NUP62CL: variants seen among roughly 807,000 people sequenced by gnomAD.
NUP62CL encodes the protein nucleoporin-62 C-terminal-like protein.
Under a neutral mutation model 15.3 loss-of-function variants are expected in NUP62CL, and 13 were observed. That is an observed-to-expected ratio of 0.85 (90% confidence interval 0.55 to 1.35). The LOEUF (loss-of-function observed/expected upper bound fraction) is 1.35. NUP62CL is among the 40% of genes most tolerant of loss of function. The pLI, the probability that NUP62CL is intolerant of heterozygous loss-of-function variation, is 0.00. For missense variants in NUP62CL, 123 were observed against 130.6 expected (o/e 0.94, Z 0.28); for synonymous variants, 54 against 49.2 (o/e 1.10, Z -0.41).
At chrX:107,185,982 G>A in intron 2 of NUP62CL, among the ~76,000 whole-genome samples, 1 of 111,604 alleles carries the variant, frequency 9.0e-6, no homozygotes, top group Non-Finnish European at 1.9e-5. Flanking sequence ...ATAGACAGAG[G>A]AGGATATTTA....
intron 7 of NUP62CL, chrX:107,150,907 G>A (rs756356259): frequency 6.2e-5 from 21 of 341,272 alleles, no homozygotes; most frequent in East Asian, 9.7e-5. Flanking sequence ...GATTAACAAC[G>A]TCCTTGAGAT....
chrX:107,177,477 C>G (rs1926813415), intron 2 of NUP62CL, among the ~76,000 whole-genome samples: 1 of 111,271 alleles, frequency 9.0e-6, no homozygotes, highest in Non-Finnish European at 1.9e-5. Context: ...TGAGATTATC[C>G]TGAATTATCC....
At chrX:107,192,663 G>A (rs997740732) in intron 2 of NUP62CL, among the ~76,000 whole-genome samples, 1 of 112,131 alleles carries the variant, frequency 8.9e-6, no homozygotes, top group Non-Finnish European at 1.9e-5. Context: ...TTACAAGCGC[G>A]AACCACTGCG....
intron 2 of NUP62CL, among the ~76,000 whole-genome samples, chrX:107,189,878 AAAGAAAGAAAG>A (rs1483067619): frequency 9.9e-5 from 2 of 20,169 alleles, no homozygotes; most frequent in African/African-American, 3.7e-4. Context: ...AAAAGAAAGA[AAAGAAAGAAAG>A]AAAGAAAGAA....
chrX:107,205,662 G>C (rs950643556), intron 1 of NUP62CL, among the ~76,000 whole-genome samples: 10 of 111,293 alleles, frequency 9.0e-5, no homozygotes, highest in Admixed American at 8.6e-4. Flanking sequence ...AATCAGTCCT[G>C]AATACTCCAA....
At chrX:107,156,095 G>A (rs1037253907) in intron 4 of NUP62CL, among the ~76,000 whole-genome samples, 13 of 110,945 alleles carry the variant, frequency 1.2e-4, no homozygotes, top group Non-Finnish European at 2.3e-4. Context: ...GGCGCACGAC[G>A]AGACTATATC....
intron 3 of NUP62CL, among the ~76,000 whole-genome samples, chrX:107,170,267 A>G (rs1261776478): frequency 8.9e-6 from 1 of 111,762 alleles, no homozygotes; most frequent in Admixed American, 9.5e-5. Flanking sequence ...TAATGTATGT[A>G]TATGCTTAGA....
At chrX:107,189,243 T>C (rs929971711) in intron 2 of NUP62CL, among the ~76,000 whole-genome samples, 7 of 111,310 alleles carry the variant, frequency 6.3e-5, no homozygotes. Flanking sequence ...ATGGAAAAGT[T>C]TGGCAGTTTC....
intron 8 of NUP62CL, among the ~76,000 whole-genome samples, chrX:107,142,850 C>T (rs765790554): frequency 8.9e-6 from 1 of 112,021 alleles, no homozygotes; most frequent in African/African-American, 3.2e-5. Context: ...GCATTGCCAT[C>T]AAGTCAACCT....
chrX:107,149,926 GA>G (rs59292016), intron 7 of NUP62CL, among the ~76,000 whole-genome samples: 5,224 of 104,532 alleles, frequency 0.05, 333 homozygotes, highest in African/African-American at 0.17. Context: ...TATAGAGAAA[GA>G]AAAAAAAAAC....
intron 3 of NUP62CL, among the ~76,000 whole-genome samples, chrX:107,172,324 A>T (rs183095028): frequency 9.0e-6 from 1 of 110,837 alleles, no homozygotes; most frequent in East Asian, 2.8e-4. Flanking sequence ...GTAAGACTGT[A>T]TCTTAAAAAA....
intron 2 of NUP62CL, among the ~76,000 whole-genome samples, chrX:107,187,568 T>C (rs1334391717): frequency 9.0e-6 from 1 of 111,591 alleles, no homozygotes. Flanking sequence ...CGGCTGACTG[T>C]TGTGTTTTTA....
chrX:107,148,899 C>T (rs184276651), intron 7 of NUP62CL, among the ~76,000 whole-genome samples: 8 of 111,341 alleles, frequency 7.2e-5, no homozygotes, highest in East Asian at 2.8e-4. Context: ...TTTGTTAATC[C>T]GGTTAAAATA....
intron 1 of NUP62CL, chrX:107,202,444 G>A (rs969488039): frequency 9.1e-6 from 1 of 110,223 alleles, no homozygotes; most frequent in South Asian, 3.8e-4. Context: ...TATAATCTTC[G>A]AAAAAAATAT....
At chrX:107,131,819 C>T in intron 8 of NUP62CL, 1 of 1,124,054 alleles carries the variant, frequency 8.9e-7, no homozygotes, top group Non-Finnish European at 1.2e-6. Flanking sequence ...TGTGTCTTTG[C>T]TGGGGAGTAT....
chrX:107,184,449 T>C (rs1927003860), intron 2 of NUP62CL, among the ~76,000 whole-genome samples: 1 of 111,089 alleles, frequency 9.0e-6, no homozygotes, highest in Admixed American at 9.5e-5. Context: ...ATGCAAAGGT[T>C]GGTAGAAGGA....
rs191198065 is a variant in NUP62CL at position 107,167,425 on chromosome X, C to A, written c.194+224G>T. Among the ~76,000 whole-genome samples the A allele has an allele frequency of 7.1e-5, 8 of 111,973 alleles. No homozygotes were observed. In the East Asian group the frequency reaches 2.2e-3, roughly 31 times the overall value. On this transcript the variant is annotated intron_variant, in intron 4 of 8. Transcript: ENST00000372466. ...ACAGTAATTGCACAATAAGTGGTAG[C>A]TATTATTAGTAATAGTAATGATTCT... is the stretch of plus-strand genomic sequence containing the variant.
chrX:107,173,722 G>A (rs1035949505), intron 3 of NUP62CL, among the ~76,000 whole-genome samples: 1 of 111,579 alleles, frequency 9.0e-6, no homozygotes, highest in Non-Finnish European at 1.9e-5. Context: ...CATAATTCAT[G>A]TGGTAACCAA....
chrX:107,186,980 G>A (rs1426362420), intron 2 of NUP62CL, among the ~76,000 whole-genome samples: 2 of 111,709 alleles, frequency 1.8e-5, no homozygotes, highest in Non-Finnish European at 3.8e-5. Flanking sequence ...AACAAACAAC[G>A]ACAAATTTAA....
Sources: allele counts gnomAD v4.1 joint callset (sites outside exome capture counted in the v4.1 genomes callset), GRCh38; gene constraint gnomAD v4.1.1; transcripts MANE v1.5; gene names NCBI Gene and HGNC (gene_info 2026-07-23, HGNC 2026-07-21).